Variants in ZNF385D observed in about 807,000 individuals in gnomAD.
ZNF385D encodes zinc finger protein 659.
ZNF385D carries 15 observed loss-of-function variants against 35.8 expected under a neutral mutation model. The ratio of observed to expected loss-of-function variants is 0.42; its 90% CI spans 0.28 to 0.64. The LOEUF (loss-of-function observed/expected upper bound fraction) is 0.64. Ranked by LOEUF, ZNF385D falls within the 30% of genes least tolerant of loss-of-function variation. The pLI is 0.23. For missense variants in ZNF385D, 474 were observed against 494.6 expected (o/e 0.96, Z 0.39); for synonymous variants, 212 against 186.8 (o/e 1.13, Z -1.10).
intron 3 of ZNF385D, among the ~76,000 whole-genome samples, chr3:21,900,684 G>T (rs540823388): frequency 6.6e-6 from 1 of 152,156 alleles, no homozygotes; most frequent in East Asian, 1.9e-4. Flanking sequence ...AAAAATAGTG[G>T]TATTAGCTTG....
intron 3 of ZNF385D, among the ~76,000 whole-genome samples, chr3:21,557,118 C>T (rs567959847): frequency 2.0e-5 from 3 of 152,162 alleles, no homozygotes; most frequent in African/African-American, 7.2e-5. Context: ...TGCAAACAGA[C>T]AAGTTGACTT....
At chr3:22,372,529 G>A (rs1696959075) in exon 2 of ZNF385D, 2 of 985,754 alleles carry the variant, frequency 2.0e-6, no homozygotes, top group Non-Finnish European at 1.2e-6. Flanking sequence ...TCCTGCTGGC[G>A]GCCGCCCGGC....
intron 3 of ZNF385D, among the ~76,000 whole-genome samples, chr3:22,090,145 A>G (rs1317155980): frequency 6.6e-6 from 1 of 152,130 alleles, no homozygotes; most frequent in Non-Finnish European, 1.5e-5. Flanking sequence ...GCTTGTAATT[A>G]ATAATTATTT....
intron 2 of ZNF385D, among the ~76,000 whole-genome samples, chr3:22,254,469 T>C (rs1223131182): frequency 1.3e-5 from 2 of 151,856 alleles, no homozygotes; most frequent in South Asian, 4.1e-4. Flanking sequence ...ATCTTCCATG[T>C]GTTTATATCA....
chr3:22,308,967 C>A (rs1703388626), intron 2 of ZNF385D, among the ~76,000 whole-genome samples: 2 of 152,012 alleles, frequency 1.3e-5, no homozygotes, highest in South Asian at 4.2e-4. Flanking sequence ...ATTGATGAAT[C>A]CCTACCTTGC....
At chr3:21,753,771 T>TTGG (rs2070212437), upstream of ZNF385D, among the ~76,000 whole-genome samples, 1 of 108,802 alleles carries the variant, frequency 9.2e-6, no homozygotes, top group East Asian at 5.4e-4. Flanking sequence ...TTGGTGGTTG[T>TTGG]TGTTGTTGTT....
chr3:21,721,522 C>G (rs1294490768), intron 1 of ZNF385D, among the ~76,000 whole-genome samples: 1 of 151,750 alleles, frequency 6.6e-6, no homozygotes. Flanking sequence ...TATTTTTTTG[C>G]TTTGAGTTTC....
chr3:21,566,599 T>C lies in ZNF385D; in HGVS notation c.166-1915A>G, dbSNP rs2063155548. ...TCATGCCACTCCATTCCAGCGTGGG[T>C]GACAGAGTGAGACTCTGTCTCAAAA... On this transcript the variant is annotated intron_variant, in intron 2 of 7. Transcript: ENST00000281523. Among the ~76,000 whole-genome samples, 4 of 152,156 alleles carry C rather than the reference T, an allele frequency of 2.6e-5. No homozygotes were observed. The South Asian group carries it at 8.3e-4, about 32-fold the overall frequency.
chr3:21,982,505 G>A (rs113755047), intron 3 of ZNF385D, among the ~76,000 whole-genome samples: 2 of 152,206 alleles, frequency 1.3e-5, no homozygotes, highest in East Asian at 3.9e-4. Flanking sequence ...AGGTTTTCTA[G>A]ATATATAATC....
intron 4 of ZNF385D, among the ~76,000 whole-genome samples, chr3:21,496,470 A>C (rs1179925515): frequency 1.3e-5 from 1 of 76,868 alleles, no homozygotes. Flanking sequence ...TATATCATAT[A>C]TATACATATA....
intron 2 of ZNF385D, among the ~76,000 whole-genome samples, chr3:22,330,233 T>C (rs1418889616): frequency 6.6e-6 from 1 of 152,222 alleles, no homozygotes; most frequent in East Asian, 1.9e-4. Context: ...CAAGAGAAAT[T>C]ATGCCTGTAT....
chr3:21,639,407 T>A (rs2065536618), intron 2 of ZNF385D, among the ~76,000 whole-genome samples: 1 of 151,926 alleles, frequency 6.6e-6, no homozygotes, highest in Non-Finnish European at 1.5e-5. Flanking sequence ...ACAAATACAT[T>A]ACATAAATAA....
intron 3 of ZNF385D, among the ~76,000 whole-genome samples, chr3:21,763,549 T>C (rs1559598373): frequency 6.6e-6 from 1 of 152,190 alleles, no homozygotes; most frequent in Non-Finnish European, 1.5e-5. Flanking sequence ...GCTTTAGGCC[T>C]ATAATATATA....
chr3:21,870,718 C>T (rs193204030), intron 3 of ZNF385D, among the ~76,000 whole-genome samples: 52 of 152,140 alleles, frequency 3.4e-4, no homozygotes, highest in African/African-American at 8.7e-4. Context: ...GATAGGCGTG[C>T]GTGTGTGCGT....
intron 2 of ZNF385D, among the ~76,000 whole-genome samples, chr3:22,362,930 G>A (rs1468581257): frequency 6.6e-6 from 1 of 152,032 alleles, no homozygotes; most frequent in Non-Finnish European, 1.5e-5. Flanking sequence ...CATTGCAAGA[G>A]GCAGAAAGAG....
At chr3:22,082,082 G>C (rs1226133085) in intron 3 of ZNF385D, among the ~76,000 whole-genome samples, 1 of 145,188 alleles carries the variant, frequency 6.9e-6, no homozygotes, top group Non-Finnish European at 1.5e-5. Context: ...ATTTTCTTCT[G>C]TTCCAAACTG....
chr3:22,337,008 A>G (rs947378264), intron 2 of ZNF385D, among the ~76,000 whole-genome samples: 3 of 143,884 alleles, frequency 2.1e-5, no homozygotes, highest in Non-Finnish European at 4.5e-5. Flanking sequence ...TTCTTTATAT[A>G]AAATTATTCA....
At chr3:22,171,819 G>A (rs1459122400) in intron 2 of ZNF385D, among the ~76,000 whole-genome samples, 2 of 148,516 alleles carry the variant, frequency 1.3e-5, no homozygotes, top group African/African-American at 2.5e-5. Flanking sequence ...AGAGCTTGCA[G>A]TGAGCCGAGA....
intron 2 of ZNF385D, among the ~76,000 whole-genome samples, chr3:21,644,785 A>G (rs1301170258): frequency 2.0e-5 from 3 of 152,182 alleles, no homozygotes; most frequent in African/African-American, 7.2e-5. Flanking sequence ...AATTTATACT[A>G]CATCACACAG....
Sources: allele counts gnomAD v4.1 joint callset (sites outside exome capture counted in the v4.1 genomes callset), GRCh38; gene constraint gnomAD v4.1.1; transcripts MANE v1.5; gene names NCBI Gene and HGNC (gene_info 2026-07-23, HGNC 2026-07-21).